The following SLC39A11 variants were observed in gnomAD, a reference collection of about 807,000 sequenced individuals.
SLC39A11 encodes solute carrier family 39 member 11.
In SLC39A11, 33 loss-of-function variants were observed where a neutral mutation model predicts 36.1. The ratio of observed to expected loss-of-function variants is 0.91; its 90% confidence interval spans 0.69 to 1.22. The LOEUF (loss-of-function observed/expected upper bound fraction) is 1.22, where lower values mean the gene tolerates loss of function less well. Among genes scored for constraint, SLC39A11 ranks in the 50% most tolerant of loss-of-function variants. The pLI is 0.00. For missense variants in SLC39A11, 432 were observed against 430.3 expected (o/e 1.00, Z -0.03); for synonymous variants, 166 against 170.3 (o/e 0.97, Z 0.20).
intron 6 of SLC39A11, among the ~76,000 whole-genome samples, chr17:72,773,190 T>G (rs2076010448): frequency 6.6e-6 from 1 of 152,226 alleles, no homozygotes; most frequent in African/African-American, 2.4e-5. Flanking sequence ...TGAATTGTCC[T>G]GAAATTGACT....
At chr17:73,031,209 C>T (rs1036279591) in intron 4 of SLC39A11, among the ~76,000 whole-genome samples, 1 of 148,732 alleles carries the variant, frequency 6.7e-6, no homozygotes, top group Non-Finnish European at 1.5e-5. Context: ...AGTATCATCT[C>T]CCTGATGATG....
At chr17:72,950,757 G>C (rs2085802512) in intron 4 of SLC39A11, among the ~76,000 whole-genome samples, 1 of 152,164 alleles carries the variant, frequency 6.6e-6, no homozygotes, top group Admixed American at 6.5e-5. Flanking sequence ...AGCCCATCTG[G>C]TAAGGTGCAG....
intron 7 of SLC39A11, among the ~76,000 whole-genome samples, chr17:72,714,154 G>C (rs1430089571): frequency 6.6e-6 from 1 of 152,102 alleles, no homozygotes. Flanking sequence ...TCAGGAGTTC[G>C]AGACCAGCCT....
intron 1 of SLC39A11, among the ~76,000 whole-genome samples, chr17:73,089,515 C>T (rs993661042): frequency 2.6e-5 from 4 of 152,180 alleles, no homozygotes; most frequent in Non-Finnish European, 5.9e-5. Context: ...GCCAACCTCA[C>T]GACCAAGGCT....
At chr17:72,834,961 T>C (rs1005800501) in intron 6 of SLC39A11, among the ~76,000 whole-genome samples, 1 of 152,234 alleles carries the variant, frequency 6.6e-6, no homozygotes, top group Non-Finnish European at 1.5e-5. Context: ...GTGCAGGAGA[T>C]GACAGAATGT....
At chr17:73,076,257 T>C (rs1231484247) in intron 3 of SLC39A11, among the ~76,000 whole-genome samples, 1 of 149,714 alleles carries the variant, frequency 6.7e-6, no homozygotes, top group Non-Finnish European at 1.5e-5. Flanking sequence ...AGGAGAAAAA[T>C]AGGCAAATAA....
intron 6 of SLC39A11, among the ~76,000 whole-genome samples, chr17:72,804,486 C>T (rs1191095997): frequency 6.6e-6 from 1 of 152,170 alleles, no homozygotes; most frequent in African/African-American, 2.4e-5. Flanking sequence ...TACAAAGATA[C>T]CTAAGCAATT....
rs375494454 is a variant in SLC39A11, at chr17:72,724,046, C to T, written c.671+12604G>A. On this transcript the variant is annotated intron_variant, in intron 7 of 9. Transcript: ENST00000255559. ...AAATCTTAGACGTGCAACTATTGGG[C>T]GATCAGTGGTGCTAACACGGGAACA... 8.6e-5 allele frequency among the ~76,000 whole-genome samples: 13 copies of T among 152,012 alleles called. 1 individual carries two copies. The highest frequency in any genetic ancestry group is 2.2e-4 in the African/African-American group (9 of 41,452).
chr17:72,959,433 T>C lies in SLC39A11; in HGVS notation c.307-11558A>G, dbSNP rs191022695. On this transcript the variant is annotated intron_variant, in intron 4 of 9. Transcript: ENST00000255559. ...AGCATTCGCAGTGACCTGGATGAGA[T>C]TGGTGACTATTATTCTAAGTGAAGT... Among the ~76,000 whole-genome samples, 129 of 147,864 alleles carry C rather than the reference T, an allele frequency of 8.7e-4. 1 individual carries two copies. Among genetic ancestry groups the C allele is most frequent in the African/African-American group, 2.9e-3 (116 of 40,054 alleles).
At chr17:72,903,531 G>C (rs2082500126) in intron 5 of SLC39A11, among the ~76,000 whole-genome samples, 1 of 152,128 alleles carries the variant, frequency 6.6e-6, no homozygotes, top group African/African-American at 2.4e-5. Context: ...TCTCTCAAAG[G>C]TTTATTTGCA....
chr17:72,922,875 C>A lies in SLC39A11; in HGVS notation c.430+24877G>T, dbSNP rs543638657. ...CCCCGCTACTCGGGAGGCTGAGGCACGAGAATTCCTTGAACCCGGGAGGCG... is the reference window on the plus strand; with the variant it reads ...CCCCGCTACTCGGGAGGCTGAGGCAAGAGAATTCCTTGAACCCGGGAGGCG... On this transcript the variant is annotated intron_variant, in intron 5 of 9. Coordinates refer to ENST00000255559, the MANE Select transcript of SLC39A11 (RefSeq NM_139177.4). Among the ~76,000 whole-genome samples, 180 of 138,556 alleles carry A rather than the reference C, an allele frequency of 1.3e-3. 3 individuals are homozygous for A. In the Middle Eastern group the frequency reaches 0.038, roughly 29 times the overall value. 90.9% of individuals were successfully genotyped at this position (138,556 alleles called of 152,430 possible). A position where few individuals can be genotyped will look rare whatever the true frequency, so the allele number is the denominator to read the frequency against.
chr17:72,921,490 C>A (rs1308629505), intron 5 of SLC39A11, among the ~76,000 whole-genome samples: 2 of 152,156 alleles, frequency 1.3e-5, no homozygotes, highest in African/African-American at 2.4e-5. Context: ...AAAAGAAAAG[C>A]AAAGAATAAT....
chr17:72,933,013 C>T (rs1253379066), intron 5 of SLC39A11, among the ~76,000 whole-genome samples: 1 of 152,170 alleles, frequency 6.6e-6, no homozygotes, highest in African/African-American at 2.4e-5. Context: ...CAATGATTTT[C>T]CCCTAACATC....
chr17:72,662,103 C>T (rs1184384472), intron 7 of SLC39A11, among the ~76,000 whole-genome samples: 1 of 152,088 alleles, frequency 6.6e-6, no homozygotes, highest in East Asian at 1.9e-4. Context: ...CCTCTGTAGC[C>T]ATCAAAAGAC....
At chr17:72,838,319 C>T (rs535970982) in intron 6 of SLC39A11, among the ~76,000 whole-genome samples, 313 of 151,370 alleles carry the variant, frequency 2.1e-3, no homozygotes, top group Admixed American at 4.1e-3. Context: ...GCCTTGACCT[C>T]CAGGGTTCAA....
intron 7 of SLC39A11, among the ~76,000 whole-genome samples, chr17:72,715,507 CT>C (rs1397502488): frequency 6.6e-6 from 1 of 152,134 alleles, no homozygotes; most frequent in Non-Finnish European, 1.5e-5. Context: ...ATGATGACCC[CT>C]GAGGACATTA....
At chr17:72,885,841 A>C (rs1256221252) in intron 5 of SLC39A11, among the ~76,000 whole-genome samples, 1 of 152,154 alleles carries the variant, frequency 6.6e-6, no homozygotes, top group Non-Finnish European at 1.5e-5. Context: ...TCTATTCTGC[A>C]CTTGTCGCCA....
chr17:72,760,456 G>T (rs1568044614), intron 6 of SLC39A11, among the ~76,000 whole-genome samples: 2 of 152,188 alleles, frequency 1.3e-5, no homozygotes, highest in Middle Eastern at 3.2e-3. Flanking sequence ...TGGACCCTGG[G>T]CTCTGAAACA....
chr17:73,027,509 A>G (rs779317828), intron 4 of SLC39A11, among the ~76,000 whole-genome samples: 10 of 152,360 alleles, frequency 6.6e-5, no homozygotes, highest in Middle Eastern at 6.8e-3. Flanking sequence ...ACAAACACCC[A>G]GTTTGGAGAG....
Sources: allele counts gnomAD v4.1 joint callset (sites outside exome capture counted in the v4.1 genomes callset), GRCh38; gene constraint gnomAD v4.1.1; transcripts MANE v1.5; gene names NCBI Gene and HGNC (gene_info 2026-07-23, HGNC 2026-07-21).